Variants in GPHN observed in about 807,000 individuals in gnomAD.
The protein encoded by GPHN is gephyrin.
A neutral mutation model predicts 95.5 loss-of-function variants in GPHN; 17 were observed. The ratio of observed to expected loss-of-function variants is 0.18; its 90% CI spans 0.12 to 0.27. The LOEUF (loss-of-function observed/expected upper bound fraction) is 0.27. Among genes scored for constraint, GPHN ranks in the 10% least tolerant of loss-of-function variants. The pLI is 1.00. For missense variants in GPHN, 660 were observed against 978.1 expected (o/e 0.67, Z 4.34); for synonymous variants, 320 against 322.5 (o/e 0.99, Z 0.08).
the GPHN span, chr14:67,562,238 G>A: frequency 3.7e-6 from 6 of 1,612,672 alleles, no homozygotes; most frequent in South Asian, 1.1e-5. Context: ...TATGGGCCAG[G>A]ACAGTGGCTC....
At chr14:66,564,601 G>A (rs186624320) in intron 1 of GPHN, among the ~76,000 whole-genome samples, 2 of 152,242 alleles carry the variant, frequency 1.3e-5, no homozygotes, top group East Asian at 3.9e-4. Context: ...CTTTTGCTTA[G>A]GATGGTTTCC....
intron 10 of GPHN, among the ~76,000 whole-genome samples, chr14:67,056,563 C>T (rs1352681031): frequency 6.6e-6 from 1 of 152,218 alleles, no homozygotes; most frequent in Admixed American, 6.5e-5. Context: ...CATCCACAAA[C>T]CCGAGCTAGA....
At chr14:66,786,686 A>G (rs2059788332) in intron 3 of GPHN, among the ~76,000 whole-genome samples, 2 of 152,140 alleles carry the variant, frequency 1.3e-5, no homozygotes, top group South Asian at 2.1e-4. Context: ...CGACAATTTG[A>G]CATTTATTTG....
chr14:66,861,943 G>C lies in GPHN; in HGVS notation c.295-17996G>C, dbSNP rs577521082. Among the ~76,000 whole-genome samples, 20 of 151,916 alleles carry C rather than the reference G, an allele frequency of 1.3e-4. 1 individual carries two copies. The South Asian group carries it at 3.7e-3, about 28-fold the overall frequency. On this transcript the variant is annotated intron_variant, in intron 4 of 22. Coordinates refer to ENST00000478722, the MANE Select transcript of GPHN (RefSeq NM_020806.5). ...GCATCTCAGAGAACTAGAAAAGCAA[G>C]AGCAAACAAAACCCAAAAGTAGTAG...
the GPHN span, among the ~76,000 whole-genome samples, chr14:67,357,037 CAATTTT>C: frequency 2.0e-5 from 3 of 152,136 alleles, no homozygotes; most frequent in African/African-American, 7.2e-5. Context: ...GTGAAATGGG[CAATTTT>C]AATTCCTGAA....
the GPHN span, chr14:67,620,862 A>G: frequency 4.7e-5 from 76 of 1,612,598 alleles, no homozygotes; most frequent in Non-Finnish European, 6.4e-5. Flanking sequence ...CACCTTCTCT[A>G]CCTCTAATTG....
the GPHN span, among the ~76,000 whole-genome samples, chr14:67,539,400 CAT>C: frequency 2.3e-4 from 35 of 152,152 alleles, no homozygotes; most frequent in Admixed American, 1.9e-3. Context: ...GCGCTGAAGT[CAT>C]GTGTTCTGAG....
At chr14:67,225,965 G>GCA in the GPHN span, among the ~76,000 whole-genome samples, 1 of 112,576 alleles carries the variant, frequency 8.9e-6, no homozygotes, top group Non-Finnish European at 1.6e-5. Context: ...GTGTGTGTGC[G>GCA]CGCGCGCGCG....
chr14:67,245,426 A>G, the GPHN span, among the ~76,000 whole-genome samples: 3 of 152,134 alleles, frequency 2.0e-5, no homozygotes, highest in African/African-American at 7.2e-5. Flanking sequence ...CTTATTTGCC[A>G]TCTGTTTATC....
At chr14:66,715,422 G>A (rs895441783) in intron 2 of GPHN, among the ~76,000 whole-genome samples, 6 of 151,982 alleles carry the variant, frequency 3.9e-5, no homozygotes, top group African/African-American at 1.4e-4. Context: ...TCTTTTCAAA[G>A]AATCAGCTTT....
At chr14:66,675,607 T>C (rs2066543160) in intron 1 of GPHN, among the ~76,000 whole-genome samples, 1 of 152,200 alleles carries the variant, frequency 6.6e-6, no homozygotes, top group Non-Finnish European at 1.5e-5. Context: ...CTACAGAAGC[T>C]TTTTAGTTTG....
intron 1 of GPHN, among the ~76,000 whole-genome samples, chr14:66,534,528 T>C (rs896591592): frequency 6.6e-6 from 1 of 152,200 alleles, no homozygotes; most frequent in African/African-American, 2.4e-5. Flanking sequence ...TTGTTTCTAA[T>C]TTTTGACTTA....
chr14:67,283,137 A>G, the GPHN span, among the ~76,000 whole-genome samples: 1 of 152,146 alleles, frequency 6.6e-6, no homozygotes, highest in African/African-American at 2.4e-5. Context: ...TTTCTAATCT[A>G]TGAGATACTA....
the GPHN span, among the ~76,000 whole-genome samples, chr14:67,526,296 CCTTGA>C: frequency 0.043 from 6,567 of 152,308 alleles, 177 homozygotes; most frequent in East Asian, 0.069. Context: ...CAAAAAGGAT[CCTTGA>C]CTTGCAGCTT....
chr14:66,769,871 A>T (rs1395518944), intron 2 of GPHN, among the ~76,000 whole-genome samples: 1 of 152,046 alleles, frequency 6.6e-6, no homozygotes, highest in African/African-American at 2.4e-5. Flanking sequence ...GGATCAAATG[A>T]GAGTTCTGTT....
At position 67,179,970 on chromosome 14, in the gene GPHN, A is replaced by G. The variant is rs2083239436; in HGVS notation, c.2176+296A>G. ...ACAGAAGATTTGATATGTTTGTTCA[A>G]CCAATAAGTTCTGAGTATAACTTTG... On this transcript the variant is annotated intron_variant, in intron 22 of 22. Transcript: ENST00000478722. Among the ~76,000 whole-genome samples the G allele has an allele frequency of 3.9e-5, 6 of 152,312 alleles. 1 individual carries two copies. The South Asian group carries it at 1.2e-3, about 32-fold the overall frequency.
chr14:67,222,698 C>T, the GPHN span, among the ~76,000 whole-genome samples: 1 of 152,154 alleles, frequency 6.6e-6, no homozygotes, highest in Non-Finnish European at 1.5e-5. Flanking sequence ...ATAGGCACCT[C>T]TTATAGGTTG....
chr14:66,739,204 A>G (rs1242518154), intron 2 of GPHN, among the ~76,000 whole-genome samples: 3 of 144,356 alleles, frequency 2.1e-5, no homozygotes, highest in African/African-American at 7.9e-5. Context: ...AAAAATTTAC[A>G]TTTTTTCTTA....
chr14:66,550,130 T>A (rs1350943000), intron 1 of GPHN, among the ~76,000 whole-genome samples: 4 of 152,220 alleles, frequency 2.6e-5, no homozygotes, highest in African/African-American at 9.7e-5. Context: ...GAAATACATT[T>A]TGAAAGGCTA....
Sources: gnomAD v4.1 joint callset for allele counts (sites outside exome capture counted in the v4.1 genomes callset) on GRCh38, gnomAD v4.1.1 for gene constraint, MANE v1.5 for transcripts, NCBI Gene and HGNC (gene_info 2026-07-23, HGNC 2026-07-21) for gene names.